Variants in KCNB2 observed in about 807,000 individuals in gnomAD.
KCNB2 encodes delayed rectifier potassium channel protein.
In KCNB2, 15 loss-of-function variants were observed where a neutral mutation model predicts 61.5. That is an observed-to-expected ratio of 0.24 (90% CI 0.16 to 0.38). The LOEUF is 0.38. Among genes scored for constraint, KCNB2 ranks in the 10% least tolerant of loss-of-function variants. The probability of loss-of-function intolerance (pLI) is 1.00; values close to 1 mark genes in which losing one functional copy is unlikely to be tolerated. For synonymous variants in KCNB2, 457 were observed against 446.0 expected, an observed-to-expected ratio of 1.02 and a Z score of -0.31; for missense variants, 828 against 1,125.2, an observed-to-expected ratio of 0.74 and a Z score of 3.78.
At chr8:72,624,402 G>A (rs746518111) in intron 2 of KCNB2, among the ~76,000 whole-genome samples, 2 of 152,168 alleles carry the variant, frequency 1.3e-5, no homozygotes, top group Non-Finnish European at 2.9e-5. Flanking sequence ...TGTGCTTGGG[G>A]AAGTACTTTC....
intron 2 of KCNB2, among the ~76,000 whole-genome samples, chr8:72,640,888 C>T (rs768136907): frequency 3.6e-4 from 54 of 151,988 alleles, no homozygotes; most frequent in Non-Finnish European, 6.3e-4. Context: ...ACCAGTCTTA[C>T]GAAAATGGTA....
chr8:72,634,618 G>C (rs1805936039), intron 2 of KCNB2, among the ~76,000 whole-genome samples: 1 of 152,070 alleles, frequency 6.6e-6, no homozygotes, highest in Non-Finnish European at 1.5e-5. Flanking sequence ...TTCCTTGCTT[G>C]GTATTAGGAT....
chr8:72,804,751 C>T (rs1382554543), intron 2 of KCNB2, among the ~76,000 whole-genome samples: 1 of 152,140 alleles, frequency 6.6e-6, no homozygotes, highest in Non-Finnish European at 1.5e-5. Flanking sequence ...TATTGGAACA[C>T]CTGTTGTCTG....
At position 72,758,586 on chromosome 8, in the gene KCNB2, T is replaced by G. The variant is rs1277394960; in HGVS notation, c.580-177349T>G. ...AGAGTAAAATCTCCTGTTTGTTTTA[T>G]TCAAGATGCTCATCTGCTCCATGTT... On this transcript the variant is annotated intron_variant, in intron 2 of 2. Transcript: ENST00000523207. 3.9e-5 allele frequency among the ~76,000 whole-genome samples: 6 copies of G among 152,260 alleles called. No individual in the cohort carries two copies. In the East Asian group the frequency reaches 1.2e-3, roughly 29 times the overall value.
At position 72,596,333 on chromosome 8, in the gene KCNB2, C is replaced by T. The variant is rs190140322; in HGVS notation, c.579+28020C>T. ...TGCAATATTCAAATACTGGCTCTGCCGAGTACTACTTTTCTGACCTTATCC... is the reference window on the plus strand; with the variant it reads ...TGCAATATTCAAATACTGGCTCTGCTGAGTACTACTTTTCTGACCTTATCC... On this transcript the variant is annotated intron_variant, in intron 2 of 2. Coordinates refer to ENST00000523207, the MANE Select transcript of KCNB2 (RefSeq NM_004770.3). 5.9e-5 allele frequency among the ~76,000 whole-genome samples: 9 copies of T among 152,252 alleles called. No individual in the cohort carries two copies. The East Asian group carries it at 9.7e-4, about 16-fold the overall frequency.
chr8:72,773,471 C>T (rs1484792524), intron 2 of KCNB2, among the ~76,000 whole-genome samples: 1 of 152,128 alleles, frequency 6.6e-6, no homozygotes, highest in Non-Finnish European at 1.5e-5. Context: ...TCAAATTTGA[C>T]CATTCAATTA....
intron 2 of KCNB2, among the ~76,000 whole-genome samples, chr8:72,737,640 G>A (rs191556533): frequency 3.3e-5 from 5 of 152,214 alleles, no homozygotes; most frequent in South Asian, 4.2e-4. Flanking sequence ...AGTCCTCTGC[G>A]GTAAGATGGG....
chr8:72,693,390 C>T (rs1806969783), intron 2 of KCNB2, among the ~76,000 whole-genome samples: 1 of 152,166 alleles, frequency 6.6e-6, no homozygotes, highest in Admixed American at 6.5e-5. Context: ...GAGCGTATAC[C>T]TGCTGATGTG....
intron 2 of KCNB2, among the ~76,000 whole-genome samples, chr8:72,677,880 C>A (rs529527652): frequency 6.6e-6 from 1 of 152,290 alleles, no homozygotes; most frequent in East Asian, 1.9e-4. Flanking sequence ...TAAATTAAAA[C>A]ATCCAGTCCT....
intron 2 of KCNB2, among the ~76,000 whole-genome samples, chr8:72,717,710 C>G (rs1436624722): frequency 2.0e-5 from 3 of 152,028 alleles, no homozygotes; most frequent in Admixed American, 6.5e-5. Context: ...CATAAAAACC[C>G]TAGAAGAAAA....
At chr8:72,787,801 T>G (rs1023822640) in intron 2 of KCNB2, among the ~76,000 whole-genome samples, 3 of 152,188 alleles carry the variant, frequency 2.0e-5, no homozygotes, top group African/African-American at 7.2e-5. Flanking sequence ...TAAAATGACA[T>G]TTTTAAATTA....
At chr8:72,583,636 G>A (rs1364871438) in intron 2 of KCNB2, among the ~76,000 whole-genome samples, 5 of 152,136 alleles carry the variant, frequency 3.3e-5, no homozygotes, top group Non-Finnish European at 7.4e-5. Flanking sequence ...CTGAGCAGTA[G>A]TGATCTGACT....
intron 2 of KCNB2, among the ~76,000 whole-genome samples, chr8:72,604,621 AGT>A (rs1805417709): frequency 6.6e-6 from 1 of 152,246 alleles, no homozygotes; most frequent in Non-Finnish European, 1.5e-5. Context: ...CACCTAATGA[AGT>A]GTCATGAACA....
intron 2 of KCNB2, among the ~76,000 whole-genome samples, chr8:72,725,569 ATATATG>A (rs1282739022): frequency 1.2e-3 from 80 of 67,938 alleles, no homozygotes; most frequent in African/African-American, 5.5e-3. Flanking sequence ...ATATATGTAT[ATATATG>A]TATATATATA....
chr8:72,917,108 C>T (rs1806415910), intron 2 of KCNB2, among the ~76,000 whole-genome samples: 1 of 152,160 alleles, frequency 6.6e-6, no homozygotes, highest in African/African-American at 2.4e-5. Flanking sequence ...GCCTTCTGTC[C>T]CTATCAGTTT....
At chr8:72,621,286 A>G (rs77302773) in intron 2 of KCNB2, among the ~76,000 whole-genome samples, 23,863 of 152,126 alleles carry the variant, frequency 0.16, 2,396 homozygotes, top group Middle Eastern at 0.24. Context: ...ATCTGGTGGT[A>G]TATGTGGAGG....
At chr8:72,537,916 A>AT (rs1331975282) in intron 1 of KCNB2, 31 bp downstream of exon 1, 1 of 152,382 alleles carries the variant, frequency 6.6e-6, no homozygotes, top group Non-Finnish European at 1.5e-5. Flanking sequence ...TGCTCCCCGA[A>AT]GGGGGTCTTC....
At chr8:72,803,184 G>C (rs1809159302) in intron 2 of KCNB2, among the ~76,000 whole-genome samples, 1 of 152,150 alleles carries the variant, frequency 6.6e-6, no homozygotes, top group Non-Finnish European at 1.5e-5. Flanking sequence ...GACAGCATCA[G>C]CATCAGGGAG....
At position 72,668,937 on chromosome 8, in the gene KCNB2, A is replaced by ATG. The variant is rs947071040; in HGVS notation, c.579+100636_579+100637dup. 2.0e-5 allele frequency among the ~76,000 whole-genome samples: 3 copies of ATG among 151,772 alleles called. No individual in the cohort carries two copies. The South Asian group carries it at 6.2e-4, about 32-fold the overall frequency. ...TATATTTGTGTGTGTGTGTGCATGC[A>ATG]TGTGTGTGTGTGTCTTTTCTCCTTG... On this transcript the variant is annotated intron_variant, in intron 2 of 2. Transcript: ENST00000523207.
Sources: gnomAD v4.1 joint callset for allele counts (sites outside exome capture counted in the v4.1 genomes callset) on GRCh38, gnomAD v4.1.1 for gene constraint, MANE v1.5 for transcripts, NCBI Gene and HGNC (gene_info 2026-07-23, HGNC 2026-07-21) for gene names.